The following ARL15 variants were observed in gnomAD, a reference collection of about 807,000 sequenced individuals.
ARL15 encodes ADP-ribosylation factor-like protein 15.
In ARL15, 19 loss-of-function variants were observed where a neutral mutation model predicts 25.2. That is an observed-to-expected ratio of 0.75 (90% CI 0.53 to 1.10). The LOEUF is 1.10. Ranked by LOEUF, ARL15 falls within the 50% of genes least tolerant of loss-of-function variation. The pLI is 0.00. For missense variants in ARL15, 220 were observed against 246.0 expected (o/e 0.89, Z 0.71); for synonymous variants, 94 against 86.8 (o/e 1.08, Z -0.46).
At chr5:54,056,644 A>AT (rs1491298604) in intron 4 of ARL15, among the ~76,000 whole-genome samples, 1 of 146,638 alleles carries the variant, frequency 6.8e-6, no homozygotes, top group African/African-American at 2.6e-5. Flanking sequence ...AAAAAAAAAA[A>AT]GTCTGATTCA....
At position 54,113,460 on chromosome 5, in the gene ARL15, G is replaced by T. The variant is rs188687871; in HGVS notation, c.254-50C>A. On this transcript the variant is annotated intron_variant, in intron 3 of 4. Coordinates refer to ENST00000504924, the MANE Select transcript of ARL15 (RefSeq NM_019087.3). ...GTTTTAAAAAGAGCTTTCAGCAACT[G>T]AAAAATGTTCCCAACAGTAATTCCT... is the stretch of plus-strand genomic sequence containing the variant. 3 of 1,555,286 alleles carry T rather than the reference G, an allele frequency of 1.9e-6. No homozygotes were observed. In the East Asian group the frequency reaches 6.7e-5, roughly 35 times the overall value.
At chr5:53,899,988 G>A (rs928388406) in intron 4 of ARL15, among the ~76,000 whole-genome samples, 2 of 152,154 alleles carry the variant, frequency 1.3e-5, no homozygotes, top group Non-Finnish European at 2.9e-5. Context: ...GTAACTGAAT[G>A]TTAATGTTTG....
chr5:53,962,568 C>T (rs988861920), intron 4 of ARL15, among the ~76,000 whole-genome samples: 1 of 152,080 alleles, frequency 6.6e-6, no homozygotes, highest in African/African-American at 2.4e-5. Flanking sequence ...CTTGTAAAAC[C>T]TCAAAACCAA....
intron 1 of ARL15, among the ~76,000 whole-genome samples, chr5:54,306,391 C>CTTTTTT (rs11338403): frequency 6.7e-5 from 9 of 134,516 alleles, no homozygotes; most frequent in Non-Finnish European, 1.4e-4. Context: ...AATACGTTAA[C>CTTTTTT]TTTTTTTTTT....
At chr5:54,234,514 G>A (rs915626508) in intron 1 of ARL15, among the ~76,000 whole-genome samples, 8 of 151,974 alleles carry the variant, frequency 5.3e-5, no homozygotes, top group African/African-American at 1.5e-4. Flanking sequence ...CCACCCCACC[G>A]TGCTCCCTTC....
intron 1 of ARL15, among the ~76,000 whole-genome samples, chr5:54,192,145 T>C (rs1755422683): frequency 6.6e-6 from 1 of 152,114 alleles, no homozygotes; most frequent in Non-Finnish European, 1.5e-5. Context: ...TAGATATACA[T>C]ATGGTTCATA....
rs74837967 is a variant in ARL15, at chr5:54,091,338, T to C, written c.462+21864A>G. 2.8e-3 allele frequency among the ~76,000 whole-genome samples: 431 copies of C among 152,282 alleles called. 2 individuals carry two copies. Among genetic ancestry groups the C allele is most frequent in the African/African-American group, 0.01 (420 of 41,576 alleles). ...TAAGGTCACTATTCAAATTCCATAG[T>C]TATACATATCTCTGTTTTCAGAGAC... is the stretch of plus-strand genomic sequence containing the variant. On this transcript the variant is annotated intron_variant, in intron 4 of 4. Coordinates refer to ENST00000504924, the MANE Select transcript of ARL15 (RefSeq NM_019087.3).
chr5:54,216,124 A>G (rs1270274810), intron 1 of ARL15, among the ~76,000 whole-genome samples: 1 of 152,194 alleles, frequency 6.6e-6, no homozygotes. Context: ...ACACGAAGAA[A>G]CTTTACTTCT....
intron 1 of ARL15, among the ~76,000 whole-genome samples, chr5:54,192,369 AT>A (rs1755428667): frequency 6.6e-6 from 1 of 151,978 alleles, no homozygotes. Flanking sequence ...TTACTCAGTA[AT>A]TTACTATTTA....
chr5:54,072,727 A>G (rs1751466573), intron 4 of ARL15, among the ~76,000 whole-genome samples: 1 of 152,212 alleles, frequency 6.6e-6, no homozygotes, highest in Admixed American at 6.5e-5. Flanking sequence ...TAGGGAAAAA[A>G]TGAAATATCC....
intron 1 of ARL15, among the ~76,000 whole-genome samples, chr5:54,280,010 G>A (rs1439652801): frequency 6.6e-6 from 1 of 152,232 alleles, no homozygotes; most frequent in Non-Finnish European, 1.5e-5. Context: ...CAAGTGTGCA[G>A]AGGTACTGGA....
intron 4 of ARL15, among the ~76,000 whole-genome samples, chr5:53,910,502 T>A (rs902764457): frequency 3.9e-5 from 6 of 151,924 alleles, no homozygotes; most frequent in Admixed American, 1.3e-4. Context: ...ATAGAAAACA[T>A]CTTCTTAGAA....
intron 1 of ARL15, among the ~76,000 whole-genome samples, chr5:54,179,880 T>C (rs1366809698): frequency 2.6e-5 from 4 of 151,812 alleles, no homozygotes; most frequent in Non-Finnish European, 5.9e-5. Flanking sequence ...TAGCCAGGTG[T>C]AGTGGTGTGT....
At chr5:54,153,773 T>C (rs1754139142) in intron 3 of ARL15, among the ~76,000 whole-genome samples, 1 of 152,064 alleles carries the variant, frequency 6.6e-6, no homozygotes, top group Non-Finnish European at 1.5e-5. Flanking sequence ...GGTGTTACAA[T>C]CTCATCGAGC....
intron 1 of ARL15, among the ~76,000 whole-genome samples, chr5:54,306,096 C>A (rs1758747623): frequency 6.6e-6 from 1 of 152,160 alleles, no homozygotes; most frequent in Non-Finnish European, 1.5e-5. Flanking sequence ...GCCAGTCCTG[C>A]AGTCAAGGAG....
chr5:53,908,742 T>C (rs747303258), intron 4 of ARL15, among the ~76,000 whole-genome samples: 3 of 152,200 alleles, frequency 2.0e-5, no homozygotes, highest in Non-Finnish European at 4.4e-5. Flanking sequence ...TTCCGTACAC[T>C]CACTAAATGC....
chr5:54,272,481 A>C lies in ARL15; in HGVS notation c.48+37951T>G, dbSNP rs3756480. ...AAAAATGTACAATTCCTAGGGTGGA[A>C]ATTTCCATCAATCAGATATACTCTT... is the stretch of plus-strand genomic sequence containing the variant. On this transcript the variant is annotated intron_variant, in intron 1 of 4. Transcript: ENST00000504924. Among the ~76,000 whole-genome samples, 64 of 152,282 alleles carry C rather than the reference A, an allele frequency of 4.2e-4. No homozygotes were observed. In the East Asian group the frequency reaches 0.012, roughly 29 times the overall value.
intron 4 of ARL15, among the ~76,000 whole-genome samples, chr5:54,110,273 CT>C (rs1239526597): frequency 6.6e-6 from 1 of 151,956 alleles, no homozygotes; most frequent in Non-Finnish European, 1.5e-5. Flanking sequence ...GATAATTTGA[CT>C]TTCTCTTTTG....
chr5:54,294,281 C>T (rs1758412987), intron 1 of ARL15, among the ~76,000 whole-genome samples: 2 of 152,224 alleles, frequency 1.3e-5, no homozygotes, highest in African/African-American at 4.8e-5. Flanking sequence ...TGAAACACAA[C>T]CACAGCCATC....
Sources: allele counts gnomAD v4.1 joint callset (sites outside exome capture counted in the v4.1 genomes callset), GRCh38; gene constraint gnomAD v4.1.1; transcripts MANE v1.5; gene names NCBI Gene and HGNC (gene_info 2026-07-23, HGNC 2026-07-21).